The following RYR3 variants were observed in gnomAD, a reference collection of about 807,000 sequenced individuals.
RYR3 encodes the protein brain ryanodine receptor-calcium release channel.
RYR3 carries 207 observed loss-of-function variants against 584.3 expected under a neutral mutation model. The ratio of observed to expected loss-of-function variants is 0.35; its 90% CI spans 0.32 to 0.40. The LOEUF (loss-of-function observed/expected upper bound fraction) is 0.40. RYR3 is among the 10% of genes least tolerant of loss of function. The pLI is 1.00. For missense variants in RYR3, 5,616 were observed against 6,089.2 expected (o/e 0.92, Z 2.59); for synonymous variants, 2,416 against 2,248.5 (o/e 1.07, Z -2.11).
intron 19 of RYR3, among the ~76,000 whole-genome samples, chr15:33,618,752 G>A (rs1326346081): frequency 6.6e-6 from 1 of 152,172 alleles, no homozygotes; most frequent in African/African-American, 2.4e-5. Context: ...TTACACGTTT[G>A]CTAGCAAGCT....
intron 1 of RYR3, among the ~76,000 whole-genome samples, chr15:33,337,479 A>G (rs1483921508): frequency 2.0e-5 from 3 of 152,328 alleles, no homozygotes; most frequent in Non-Finnish European, 4.4e-5. Flanking sequence ...AAACACTCCC[A>G]AATTAATGTA....
At chr15:33,633,144 A>G (rs1336215245) in intron 24 of RYR3, 36 bp downstream of exon 24, 1 of 1,605,438 alleles carries the variant, frequency 6.2e-7, no homozygotes, top group African/African-American at 1.3e-5. Flanking sequence ...TGGAAAACTT[A>G]GAAGATATGA....
intron 23 of RYR3, among the ~76,000 whole-genome samples, chr15:33,631,727 C>T (rs935055501): frequency 1.3e-5 from 2 of 152,216 alleles, no homozygotes; most frequent in Non-Finnish European, 2.9e-5. Context: ...CCTGCTCTGC[C>T]TCTCTCCCAC....
In RYR3 at chr15:33,854,412, A is replaced by C. The variant is rs2079429325; in HGVS notation, c.13823A>C (p.Tyr4608Ser). Residue 4608 changes from tyrosine (Y) to serine (S), a missense_variant, in exon 97 of 104, where the codon TAC becomes TCC. Transcript: ENST00000634891. ...VSWLSSIDMK[Y>S]HIWKLGVVFT... is the part of the protein sequence containing the mutation. ...AGGCTAAGTTCCATAGACATGAAGT[A>C]CCATATCTGGAAGCTTGGAGTTGTT... The C allele has an allele frequency of 6.3e-7, 1 of 1,575,482 alleles. No homozygotes were observed. The highest frequency in any genetic ancestry group is 1.4e-5 in the African/African-American group (1 of 73,862).
intron 38 of RYR3, among the ~76,000 whole-genome samples, chr15:33,677,727 C>G (rs2064281824): frequency 6.6e-6 from 1 of 152,134 alleles, no homozygotes; most frequent in South Asian, 2.1e-4. Flanking sequence ...CTGCTCTTGT[C>G]TCCATCCTTA....
intron 1 of RYR3, among the ~76,000 whole-genome samples, chr15:33,329,793 A>G (rs1424675956): frequency 6.6e-6 from 1 of 152,226 alleles, no homozygotes; most frequent in Admixed American, 6.5e-5. Flanking sequence ...TAAGCAGCCT[A>G]CAGGTAGTAC....
intron 57 of RYR3, among the ~76,000 whole-genome samples, chr15:33,752,885 A>G (rs2071454580): frequency 6.6e-6 from 1 of 151,952 alleles, no homozygotes; most frequent in African/African-American, 2.4e-5. Context: ...TTGATACCTT[A>G]TTTGATATTG....
At chr15:33,861,830 G>C (rs796285501) in intron 102 of RYR3, among the ~76,000 whole-genome samples, 27 of 151,638 alleles carry the variant, frequency 1.8e-4, no homozygotes, top group Middle Eastern at 3.4e-3. Context: ...TGTTTTTGTT[G>C]GCCAGGCTGG....
intron 24 of RYR3, 107 bp from the exon 25 acceptor site, chr15:33,634,479 C>G: frequency 1.8e-6 from 2 of 1,120,752 alleles, no homozygotes; most frequent in East Asian, 4.7e-5. Context: ...GCTAATAGAC[C>G]TAGAGCGACC....
chr15:33,708,587 C>T (rs762322319), intron 43 of RYR3, among the ~76,000 whole-genome samples: 25 of 152,138 alleles, frequency 1.6e-4, no homozygotes, highest in Non-Finnish European at 3.1e-4. Flanking sequence ...TTCTATAATG[C>T]AACAAACTCT....
chr15:33,862,926 TGA>T (rs1406461951), intron 102 of RYR3, among the ~76,000 whole-genome samples: 1 of 152,220 alleles, frequency 6.6e-6, no homozygotes, highest in African/African-American at 2.4e-5. Context: ...CTCAAAAACT[TGA>T]GTTTTAAAAA....
chr15:33,619,565 G>A (rs2060613057), intron 19 of RYR3, among the ~76,000 whole-genome samples: 1 of 152,192 alleles, frequency 6.6e-6, no homozygotes, highest in Admixed American at 6.5e-5. Context: ...CCATGCTCTG[G>A]AGAAGTTCTC....
At chr15:33,825,078 T>A (rs1006720413) in intron 81 of RYR3, among the ~76,000 whole-genome samples, 1 of 152,134 alleles carries the variant, frequency 6.6e-6, no homozygotes, top group Non-Finnish European at 1.5e-5. Context: ...TTCCATAGGC[T>A]TTTGCATGAT....
At chr15:33,419,284 G>A (rs535831289) in intron 1 of RYR3, among the ~76,000 whole-genome samples, 1 of 152,156 alleles carries the variant, frequency 6.6e-6, no homozygotes, top group Non-Finnish European at 1.5e-5. Flanking sequence ...TTTAGTAATA[G>A]AGGCCAAGCA....
intron 74 of RYR3, among the ~76,000 whole-genome samples, chr15:33,814,516 T>C (rs1033861882): frequency 2.0e-5 from 3 of 152,236 alleles, no homozygotes; most frequent in Non-Finnish European, 4.4e-5. Context: ...ATTGTGGATC[T>C]TGGCCATCAT....
chr15:33,385,864 T>C (rs1477032112), intron 1 of RYR3, among the ~76,000 whole-genome samples: 3 of 151,874 alleles, frequency 2.0e-5, no homozygotes, highest in Non-Finnish European at 4.4e-5. Context: ...CCACCAAGCC[T>C]GGCTAATTTT....
intron 36 of RYR3, among the ~76,000 whole-genome samples, chr15:33,666,976 T>G (rs577513148): frequency 6.6e-6 from 1 of 152,376 alleles, no homozygotes; most frequent in South Asian, 2.1e-4. Flanking sequence ...AATCTTATTT[T>G]TATTTAATCG....
At chr15:33,446,209 A>C (rs2046645493) in intron 1 of RYR3, among the ~76,000 whole-genome samples, 1 of 152,216 alleles carries the variant, frequency 6.6e-6, no homozygotes, top group African/African-American at 2.4e-5. Flanking sequence ...TGCTCAAATT[A>C]GTGTTCTCCT....
Position 33,662,375 on chromosome 15 carries a change from G to A in RYR3, c.4845G>A (p.Leu1615=). Residue 1615 remains leucine (L), a synonymous_variant, in exon 35 of 104, where the codon CTG becomes CTA. Coordinates refer to ENST00000634891, the MANE Select transcript of RYR3 (RefSeq NM_001036.6). ...ATGACCTGCTCATCAGCATCCACCT[G>A]GCCAGCGCCAAGGAGAGGAAGCTGA... ...GFYDLLISIH[L]ASAKERKLMM... is the part of the protein sequence containing the mutation. 1 of 1,613,280 alleles carries A rather than the reference G, an allele frequency of 6.2e-7. No individual in the cohort carries two copies. Among genetic ancestry groups the A allele is most frequent in the Non-Finnish European group, 8.5e-7 (1 of 1,179,610 alleles).
Sources: allele counts gnomAD v4.1 joint callset (sites outside exome capture counted in the v4.1 genomes callset), GRCh38; gene constraint gnomAD v4.1.1; transcripts MANE v1.5; gene names NCBI Gene and HGNC (gene_info 2026-07-23, HGNC 2026-07-21).